DPY30: variants seen among roughly 807,000 people sequenced by gnomAD.
DPY30 encodes dpy-30 histone methyltransferase complex regulatory subunit, also known as protein dpy-30 homolog.
DPY30 carries 6 observed loss-of-function variants against 16.2 expected under a neutral mutation model. The ratio of observed to expected loss-of-function variants is 0.37; its 90% confidence interval spans 0.20 to 0.73. The LOEUF (loss-of-function observed/expected upper bound fraction) is 0.73, where lower values mean the gene tolerates loss of function less well. Ranked by LOEUF, DPY30 falls within the 30% of genes least tolerant of loss-of-function variation. DPY30 has a pLI of 0.51. For missense variants in DPY30, 73 were observed against 113.1 expected, an observed-to-expected ratio of 0.65 and a Z score of 1.61; for synonymous variants, 39 against 38.8, an observed-to-expected ratio of 1.00 and a Z score of -0.02.
At chr2:32,025,686 C>G (rs895233019) in intron 4 of DPY30, among the ~76,000 whole-genome samples, 2 of 151,422 alleles carry the variant, frequency 1.3e-5, no homozygotes, top group Non-Finnish European at 2.9e-5. Context: ...CACTTTAACC[C>G]CAAAGGCAGA....
intron 3 of DPY30, among the ~76,000 whole-genome samples, chr2:32,034,845 A>G (rs959903454): frequency 6.6e-6 from 1 of 151,992 alleles, no homozygotes; most frequent in Non-Finnish European, 1.5e-5. Flanking sequence ...CTAAAAATAC[A>G]AAAATTCGGC....
chr2:32,033,601 G>A (rs1272818791), intron 3 of DPY30, among the ~76,000 whole-genome samples: 1 of 152,230 alleles, frequency 6.6e-6, no homozygotes, highest in Non-Finnish European at 1.5e-5. Context: ...GAACCTGGGA[G>A]GCGGAGGTTG....
At chr2:32,017,498 T>A (rs933709426) in intron 5 of DPY30, among the ~76,000 whole-genome samples, 11 of 151,684 alleles carry the variant, frequency 7.3e-5, no homozygotes, top group African/African-American at 2.4e-4. Context: ...GCATCTATAA[T>A]CCCAGCTACT....
At chr2:32,015,979 G>A (rs1015847225) in intron 5 of DPY30, among the ~76,000 whole-genome samples, 47 of 151,784 alleles carry the variant, frequency 3.1e-4, no homozygotes, top group African/African-American at 9.2e-4. Context: ...AGCCTCCACC[G>A]CCTCTAGGGA....
In DPY30 at chr2:32,039,774, C is replaced by T. The variant is rs78020177; in HGVS notation, c.-78G>A. The T allele has an allele frequency of 3.2e-3, 1,399 of 433,804 alleles. 20 individuals are homozygous for T. The highest frequency in any genetic ancestry group is 0.025 in the African/African-American group (1,267 of 51,094). The allele number at this position is 433,804 out of a possible 1,614,324, so 26.9% of individuals were successfully genotyped here. A position where few individuals can be genotyped will look rare whatever the true frequency, so the allele number is the denominator to read the frequency against. On this transcript the variant is annotated 5_prime_UTR_variant, in exon 1 of 5. Transcript: ENST00000342166. ...CGTTCTTAAGAGCCCTGCACCGCGC[C>T]ACCAGCTCCCAGCACAAACAGCTCC...
chr2:32,022,760 C>T (rs1675213738), downstream of DPY30, among the ~76,000 whole-genome samples: 2 of 151,972 alleles, frequency 1.3e-5, no homozygotes, highest in Admixed American at 6.6e-5. Flanking sequence ...TTGTGATCCA[C>T]CTGCCTCGGC....
At chr2:32,022,527 T>C (rs1276465698), downstream of DPY30, among the ~76,000 whole-genome samples, 1 of 152,062 alleles carries the variant, frequency 6.6e-6, no homozygotes, top group African/African-American at 2.4e-5. Context: ...TTTTTAATTT[T>C]TTTTCTTTTT....
intron 3 of DPY30, among the ~76,000 whole-genome samples, chr2:32,036,994 G>A (rs1425810083): frequency 4.6e-5 from 7 of 152,192 alleles, no homozygotes; most frequent in African/African-American, 9.6e-5. Context: ...AGATAGGAAC[G>A]ATAGCAAGCT....
At chr2:32,036,413 T>C (rs1382976722) in intron 3 of DPY30, among the ~76,000 whole-genome samples, 1 of 152,170 alleles carries the variant, frequency 6.6e-6, no homozygotes, top group African/African-American at 2.4e-5. Context: ...GGCTCACGCC[T>C]GTAATCCCAG....
downstream of DPY30, among the ~76,000 whole-genome samples, chr2:32,019,351 T>C (rs181748077): frequency 6.6e-6 from 1 of 152,030 alleles, no homozygotes; most frequent in East Asian, 2.0e-4. Flanking sequence ...GGTAATAGGG[T>C]ATTAAGCTAA....
intron 4 of DPY30, among the ~76,000 whole-genome samples, chr2:32,027,301 C>T (rs1675368079): frequency 7.3e-6 from 1 of 136,094 alleles, no homozygotes; most frequent in Admixed American, 7.6e-5. Flanking sequence ...CAGCTGGGCA[C>T]AGTGGATCAC....
Position 32,029,638 on chromosome 2 carries a change from A to C in DPY30, c.183T>G (p.Val61=), listed in dbSNP as rs778584381. 10 of 1,613,876 alleles carry C rather than the reference A, an allele frequency of 6.2e-6. No homozygotes were observed. The highest frequency in any genetic ancestry group is 8.5e-6 in the Non-Finnish European group (10 of 1,180,010). Reference sequence around the variant, plus strand: ...CAAGTCCCTGTAATAAGATAGGCACAACTGTCTGATCCAGGTAGGCACGAG... The same window carrying C: ...CAAGTCCCTGTAATAAGATAGGCACCACTGTCTGATCCAGGTAGGCACGAG... ...LPTRAYLDQT[V]VPILLQGLAV... Residue 61 remains valine (V), a synonymous_variant, in exon 4 of 5, where the codon GTT becomes GTG. Transcript: ENST00000342166.
In DPY30 at chr2:32,013,826, G is replaced by A. The variant is rs1350407685; in HGVS notation, n.378-1774C>T. Among the ~76,000 whole-genome samples the A allele has an allele frequency of 2.6e-5, 4 of 151,384 alleles. No individual in the cohort carries two copies. The South Asian group carries it at 6.3e-4, about 24-fold the overall frequency. ...AGTTTGAGACCAGCCTGGCCAAAAG[G>A]GCAAAACCCCATCTCCACTAAAAAT... On this transcript the variant is annotated intron_variant and non_coding_transcript_variant, in intron 5 of 5. Transcript: ENST00000414013.
chr2:32,026,272 T>C (rs557236496), intron 4 of DPY30, among the ~76,000 whole-genome samples: 55 of 152,044 alleles, frequency 3.6e-4, no homozygotes, highest in Non-Finnish European at 6.5e-4. Context: ...TAGCCTGGCA[T>C]AGTGGCACAC....
At chr2:32,017,399 C>T (rs1052553643) in intron 5 of DPY30, among the ~76,000 whole-genome samples, 8 of 151,736 alleles carry the variant, frequency 5.3e-5, no homozygotes, top group South Asian at 2.1e-4. Context: ...GGCAGATCAT[C>T]TGAGGTTAGG....
At chr2:32,017,014 C>T (rs1326531520) in intron 5 of DPY30, among the ~76,000 whole-genome samples, 2 of 152,096 alleles carry the variant, frequency 1.3e-5, no homozygotes, top group East Asian at 3.9e-4. Context: ...TCCCGAGTAG[C>T]TGGGATTACA....
At chr2:32,020,223 G>A (rs140106143), downstream of DPY30, among the ~76,000 whole-genome samples, 401 of 150,866 alleles carry the variant, frequency 2.7e-3, 2 homozygotes, top group African/African-American at 8.1e-3. Context: ...AATAGGCTGG[G>A]CACAGTGGCT....
At chr2:32,025,094 T>C (rs1675280492) in intron 4 of DPY30, among the ~76,000 whole-genome samples, 1 of 152,190 alleles carries the variant, frequency 6.6e-6, no homozygotes, top group African/African-American at 2.4e-5. Context: ...CTAAGAGCTG[T>C]CTACAAATAG....
chr2:32,025,151 T>C (rs1203454384), intron 4 of DPY30, among the ~76,000 whole-genome samples: 1 of 152,208 alleles, frequency 6.6e-6, no homozygotes, highest in African/African-American at 2.4e-5. Flanking sequence ...TGAATTACTT[T>C]ACCAGAACTC....
Sources: gnomAD v4.1 joint callset for allele counts (sites outside exome capture counted in the v4.1 genomes callset) on GRCh38, gnomAD v4.1.1 for gene constraint, MANE v1.5 for transcripts, NCBI Gene and HGNC (gene_info 2026-07-23, HGNC 2026-07-21) for gene names.